The following NTNG1 variants were observed in gnomAD, a reference collection of about 807,000 sequenced individuals.
The protein encoded by NTNG1 is netrin G1.
Under a neutral mutation model 54.0 loss-of-function variants are expected in NTNG1, and 16 were observed. The observed-to-expected ratio is 0.30, with a 90% CI of 0.20 to 0.45. NTNG1 has a LOEUF of 0.45. Ranked by LOEUF, NTNG1 falls within the 20% of genes least tolerant of loss-of-function variation. The probability of loss-of-function intolerance (pLI) is 1.00; values close to 1 mark genes in which losing one functional copy is unlikely to be tolerated. For missense variants in NTNG1, 530 were observed against 678.7 expected (o/e 0.78, Z 2.43); for synonymous variants, 255 against 263.1 (o/e 0.97, Z 0.30).
At chr1:107,329,013 C>T (rs1421944003) in intron 3 of NTNG1, 2 of 152,090 alleles carry the variant, frequency 1.3e-5, no homozygotes, top group African/African-American at 2.4e-5. Context: ...AGGTAATTAT[C>T]GGTCATTTTT....
At chr1:107,149,879 A>C (rs1489170964) in intron 2 of NTNG1, among the ~76,000 whole-genome samples, 2 of 152,146 alleles carry the variant, frequency 1.3e-5, no homozygotes, top group African/African-American at 2.4e-5. Context: ...ACCTGACTAT[A>C]TTATCTTGAA....
At chr1:107,281,019 A>G (rs1664822839) in intron 2 of NTNG1, among the ~76,000 whole-genome samples, 1 of 151,658 alleles carries the variant, frequency 6.6e-6, no homozygotes, top group African/African-American at 2.4e-5. Context: ...CCCACATCTC[A>G]CCCTTACTCT....
intron 2 of NTNG1, among the ~76,000 whole-genome samples, chr1:107,323,636 A>C (rs1260402331): frequency 6.6e-6 from 1 of 152,086 alleles, no homozygotes; most frequent in East Asian, 1.9e-4. Flanking sequence ...TCTCTACCTA[A>C]TAGGCTGGCA....
At chr1:107,178,381 C>G (rs1656809239) in intron 2 of NTNG1, among the ~76,000 whole-genome samples, 1 of 151,920 alleles carries the variant, frequency 6.6e-6, no homozygotes, top group Non-Finnish European at 1.5e-5. Flanking sequence ...TTCATTTGCC[C>G]CGTTTCTTGC....
intron 2 of NTNG1, among the ~76,000 whole-genome samples, chr1:107,313,706 G>A (rs979819109): frequency 1.3e-5 from 2 of 152,246 alleles, no homozygotes; most frequent in Admixed American, 1.3e-4. Context: ...AGTGAAACAG[G>A]ATTAGGAAAA....
At chr1:107,253,802 T>C (rs1394600408) in intron 2 of NTNG1, among the ~76,000 whole-genome samples, 1 of 152,222 alleles carries the variant, frequency 6.6e-6, no homozygotes, top group African/African-American at 2.4e-5. Context: ...TGCATAAACA[T>C]TTGTGTCACA....
At chr1:107,329,053 C>G (rs1668120944) in intron 3 of NTNG1, 1 of 152,120 alleles carries the variant, frequency 6.6e-6, no homozygotes, top group Non-Finnish European at 1.5e-5. Context: ...TTTCTTATCC[C>G]TTGCAGTGCC....
At chr1:107,388,620 C>T (rs1672171155) in intron 3 of NTNG1, among the ~76,000 whole-genome samples, 1 of 152,196 alleles carries the variant, frequency 6.6e-6, no homozygotes, top group Non-Finnish European at 1.5e-5. Context: ...ATTATTCAGA[C>T]AATGGTAGCT....
chr1:107,480,833 T>G lies in NTNG1; in HGVS notation c.1613T>G (p.Val538Gly), dbSNP rs999219924. The G allele has an allele frequency of 5.1e-6, 8 of 1,558,344 alleles. No homozygotes were observed. Among genetic ancestry groups the G allele is most frequent in the Non-Finnish European group, 6.1e-6 (7 of 1,151,882 alleles). ...CTGCTGGGAACCGCCAGCCCCCTGG[T>G]GTTCTAGGTGTCACCTCCAGCCACA... is the stretch of plus-strand genomic sequence containing the variant. ...TTLLGTASPL[V>G]F The change falls in exon 8 of 8, where the codon GTG becomes GGG. Residue 538 changes from valine to glycine, a missense_variant. Physicochemically the swap from Val to Gly is moderately radical, Grantham distance 109 (BLOSUM62 -3). Coordinates refer to ENST00000370068, the MANE Select transcript of NTNG1 (RefSeq NM_001113226.3).
At chr1:107,164,301 G>A (rs986635911) in intron 2 of NTNG1, among the ~76,000 whole-genome samples, 2 of 152,180 alleles carry the variant, frequency 1.3e-5, no homozygotes, top group African/African-American at 4.8e-5. Flanking sequence ...CACCATGCAG[G>A]CCTCACAATT....
intron 3 of NTNG1, among the ~76,000 whole-genome samples, chr1:107,375,672 C>T (rs1671189895): frequency 6.6e-6 from 1 of 152,170 alleles, no homozygotes; most frequent in Non-Finnish European, 1.5e-5. Flanking sequence ...AAAGGGATTA[C>T]AACCCACAAT....
chr1:107,203,998 C>G (rs1351147221), intron 2 of NTNG1, among the ~76,000 whole-genome samples: 2 of 151,954 alleles, frequency 1.3e-5, no homozygotes, highest in Admixed American at 1.3e-4. Flanking sequence ...TTCTAATCTA[C>G]TTACTCTTCT....
chr1:107,310,778 T>G (rs1356275258), intron 2 of NTNG1, among the ~76,000 whole-genome samples: 2 of 152,078 alleles, frequency 1.3e-5, no homozygotes, highest in East Asian at 3.9e-4. Context: ...TTTAGTTCAG[T>G]GGGCCCTGAA....
At chr1:107,343,516 T>TC (rs1669036225) in intron 3 of NTNG1, among the ~76,000 whole-genome samples, 2 of 152,012 alleles carry the variant, frequency 1.3e-5, no homozygotes, top group Non-Finnish European at 2.9e-5. Flanking sequence ...TTTTTTTTTT[T>TC]CCTTTCATTT....
intron 2 of NTNG1, among the ~76,000 whole-genome samples, chr1:107,236,106 A>G (rs1661396350): frequency 6.6e-6 from 1 of 152,136 alleles, no homozygotes; most frequent in African/African-American, 2.4e-5. Flanking sequence ...TAGTCATATC[A>G]TGTTCAATCT....
intron 5 of NTNG1, among the ~76,000 whole-genome samples, chr1:107,421,409 C>A (rs187939105): frequency 1.3e-5 from 2 of 152,106 alleles, no homozygotes; most frequent in Non-Finnish European, 1.5e-5. Context: ...GGTTGAGGTT[C>A]CTGTTTAGAA....
chr1:107,353,964 A>G (rs1340108077), intron 3 of NTNG1, among the ~76,000 whole-genome samples: 2 of 152,160 alleles, frequency 1.3e-5, no homozygotes, highest in East Asian at 3.9e-4. Context: ...ACTCACTATC[A>G]TGAAACCAAC....
intron 7 of NTNG1, among the ~76,000 whole-genome samples, chr1:107,478,130 A>T (rs1248653870): frequency 6.6e-6 from 1 of 152,228 alleles, no homozygotes; most frequent in Non-Finnish European, 1.5e-5. Context: ...TATGAATATC[A>T]GGTAAGATCC....
chr1:107,477,128 C>T (rs1203812950), intron 7 of NTNG1, among the ~76,000 whole-genome samples: 2 of 152,114 alleles, frequency 1.3e-5, no homozygotes, highest in African/African-American at 4.8e-5. Context: ...AAAAGGGACC[C>T]CCACAGAGCT....
Sources: gnomAD v4.1 joint callset for allele counts (sites outside exome capture counted in the v4.1 genomes callset) on GRCh38, gnomAD v4.1.1 for gene constraint, MANE v1.5 for transcripts, NCBI Gene and HGNC (gene_info 2026-07-23, HGNC 2026-07-21) for gene names.